Variants in FLNA observed in about 807,000 individuals in gnomAD.
The protein encoded by FLNA is filamin-A.
FLNA carries 7 observed loss-of-function variants against 157.6 expected under a neutral mutation model. That is an observed-to-expected ratio of 0.04 (90% CI 0.03 to 0.08). FLNA has a LOEUF of 0.08. FLNA is among the 10% of genes least tolerant of loss of function. The pLI is 1.00. For missense variants in FLNA, 1,750 were observed against 2,398.4 expected, an observed-to-expected ratio of 0.73 and a Z score of 5.65; for synonymous variants, 1,103 against 1,060.8, an observed-to-expected ratio of 1.04 and a Z score of -0.77.
At chrX:154,361,844 C>T (rs2067713929) in intron 19 of FLNA, 57 bp from the exon 20 acceptor site, 6 of 1,109,423 alleles carry the variant, frequency 5.4e-6, no homozygotes, top group South Asian at 3.7e-5. Flanking sequence ...TGCTCCCCAA[C>T]CCCCTCCTGG....
chrX:154,365,573 G>C (rs2148117206), intron 9 of FLNA, 87 bp from the exon 10 acceptor site: 1 of 1,078,147 alleles, frequency 9.3e-7, no homozygotes, highest in African/African-American at 1.8e-5. Flanking sequence ...GTCAGGATTG[G>C]TGGGTCCCTC....
chrX:154,349,251 G>A (rs1328017054), intron 47 of FLNA, 111 bp downstream of exon 47: 10 of 872,297 alleles, frequency 1.1e-5, no homozygotes, highest in Non-Finnish European at 1.7e-5. Flanking sequence ...GGTGGCTCTA[G>A]AAGTGAAAGC....
chrX:154,365,288 G>A, intron 10 of FLNA, 29 bp from the exon 11 acceptor site: 2 of 1,211,901 alleles, frequency 1.7e-6, no homozygotes, highest in Middle Eastern at 2.3e-4. Flanking sequence ...CCTCAGGCCT[G>A]CCCAGCAGTG....
At chrX:154,366,957 C>T in intron 5 of FLNA, 107 bp from the exon 6 acceptor site, 1 of 635,208 alleles carries the variant, frequency 1.6e-6, no homozygotes, top group Non-Finnish European at 2.6e-6. Flanking sequence ...ACATTCCAAA[C>T]TGGGCAAGTT....
chrX:154,362,196 C>G lies in FLNA; in HGVS notation c.2656+46G>C, dbSNP rs781995402. The G allele has an allele frequency of 1.2e-5, 14 of 1,208,815 alleles. No individual in the cohort carries two copies. The South Asian group carries it at 2.5e-4, about 21-fold the overall frequency. ...GTAGGGGCACCCTGCCCCAAGCCCT[C>G]CTACCCTTGATGCCCCGCAACCTGC... On this transcript the variant is annotated intron_variant, in intron 18 of 47. Coordinates refer to ENST00000369850, the MANE Select transcript of FLNA (RefSeq NM_001110556.2).
Position 154,366,221 on chromosome X carries a change from G to C in FLNA, c.1232C>G (p.Ala411Gly). 2 of 1,210,964 alleles carry C rather than the reference G, an allele frequency of 1.7e-6. No individual in the cohort carries two copies. The highest frequency in any genetic ancestry group is 3.5e-5 in the South Asian group (2 of 56,996). Reference sequence around the variant, plus strand: ...CACAACCTCGACCTCGCCCGTGCCAGCTCCTGCCACGAGGCACCTGCTCAG... The same window carrying C: ...CACAACCTCGACCTCGCCCGTGCCACCTCCTGCCACGAGGCACCTGCTCAG... ...TTYFEIFTAG[A>G]GTGEVEVVIQ... Residue 411 changes from alanine to glycine, a missense_variant, in exon 9 of 48, where the codon GCT becomes GGT. Transcript: ENST00000369850.
intron 28 of FLNA, among the ~76,000 whole-genome samples, 183 bp downstream of exon 28, chrX:154,358,016 G>A (rs942267690): frequency 2.0e-4 from 23 of 112,457 alleles, no homozygotes; most frequent in Non-Finnish European, 4.3e-4. Flanking sequence ...CACGTCTGGG[G>A]AAGCCTGTGC....
rs1347556364 is a variant in FLNA, at chrX:154,374,560, G to T, written c.-171C>A. On this transcript the variant is annotated 5_prime_UTR_variant, in exon 1 of 48. Coordinates refer to ENST00000369850, the MANE Select transcript of FLNA (RefSeq NM_001110556.2). ...ATGACCGCGGGGTGGCGCCCGGATC[G>T]CCTTCGCGCCCGCGCCCGCGCCAGG... 1 of 112,142 alleles carries T rather than the reference G, an allele frequency of 8.9e-6. No homozygotes were observed. The highest frequency in any genetic ancestry group is 1.9e-5 in the Non-Finnish European group (1 of 52,679). The allele number at this position is 112,142 out of a possible 1,213,427, so 9.2% of individuals were successfully genotyped here.
chrX:154,357,195 G>A, intron 30 of FLNA, 56 bp downstream of exon 30: 1 of 1,131,205 alleles, frequency 8.8e-7, no homozygotes, highest in Non-Finnish European at 1.2e-6. Context: ...AAGAGGAAAG[G>A]AAGCTGCCCC....
In FLNA at chrX:154,362,742, A is replaced by G. The variant is rs371839875; in HGVS notation, c.2323T>C (p.Tyr775His). 1.2e-4 allele frequency: 148 copies of G among 1,204,615 alleles called. No individual in the cohort carries two copies. The highest frequency in any genetic ancestry group is 1.5e-4 in the Non-Finnish European group (133 of 892,517). ...CCTGTCTTGGCTACTCCGGGGCCGT[A>G]TACTTTGACCTTGTTGGGGTGGCTG... is the stretch of plus-strand genomic sequence containing the variant. Reference protein sequence around the residue: ...AGSHPNKVKVYGPGVAKTGLK... With the variant: ...AGSHPNKVKVHGPGVAKTGLK... Residue 775 changes from tyrosine (Y) to histidine (H), a missense_variant, in exon 16 of 48, where the codon TAC becomes CAC. By Grantham distance (83) the Tyr-to-His change is moderately conservative. Around this residue, in one of 5 missense-constraint regions of FLNA, gnomAD observed 648 missense variants for 805.8 expected, o/e 0.80. Coordinates refer to ENST00000369850, the MANE Select transcript of FLNA (RefSeq NM_001110556.2).
At position 154,359,199 on chromosome X, in the gene FLNA, G is replaced by T. The variant is rs373558615; in HGVS notation, c.4304-45C>A. 36 of 1,209,305 alleles carry T rather than the reference G, an allele frequency of 3.0e-5. No individual in the cohort carries two copies. In the African/African-American group the frequency reaches 3.5e-4, roughly 12 times the overall value. ...GATGGCGGCTGTATGAGACAGGGTG[G>T]GGACGAGCAGACAGTCCCAGCCCTG... On this transcript the variant is annotated intron_variant, in intron 25 of 47. Coordinates refer to ENST00000369850, the MANE Select transcript of FLNA (RefSeq NM_001110556.2).
At chrX:154,351,777 A>G (rs2067621712) in intron 42 of FLNA, 81 bp from the exon 43 acceptor site, 3 of 1,138,115 alleles carry the variant, frequency 2.6e-6, no homozygotes, top group Non-Finnish European at 3.6e-6. Context: ...TGGCCCTGTG[A>G]CCTCAAAGTG....
At chrX:154,368,851 A>G (rs782781479) in intron 2 of FLNA, among the ~76,000 whole-genome samples, 1 of 112,690 alleles carries the variant, frequency 8.9e-6, no homozygotes, top group South Asian at 3.6e-4. Context: ...AGACACTGGG[A>G]ACCCCCTTGC....
chrX:154,371,697 T>G (rs1216115252), intron 1 of FLNA, among the ~76,000 whole-genome samples: 1 of 112,890 alleles, frequency 8.9e-6, no homozygotes, highest in Non-Finnish European at 1.9e-5. Flanking sequence ...CAAGGGACTT[T>G]CCTTCCCCAG....
chrX:154,358,074 AG>A, intron 28 of FLNA, 124 bp downstream of exon 28: 1 of 791,421 alleles, frequency 1.3e-6, no homozygotes, highest in Non-Finnish European at 1.9e-6. Flanking sequence ...AACCAAAGAC[AG>A]GGGCCCTGTC....
In FLNA at chrX:154,365,081, GGAAGA is replaced by G. The variant is rs201001354; in HGVS notation, c.1691+50_1691+54del. On this transcript the variant is annotated intron_variant, in intron 11 of 47. Transcript: ENST00000369850. ...CTCATCATCAGGTGGGGAGGCAGAA[GGAAGA>G]GAAGAGGCAGAGTGTGCAGAGCTGG... is the stretch of plus-strand genomic sequence containing the variant. 2.7e-3 allele frequency: 3,251 copies of G among 1,208,020 alleles called. 59 individuals carry two copies. In the African/African-American group the frequency reaches 0.049, roughly 18 times the overall value.
In FLNA at chrX:154,371,366, G is replaced by GGA; in HGVS notation, c.-116-7_-116-6dup. 3 of 940,234 alleles carry GGA rather than the reference G, an allele frequency of 3.2e-6. No homozygotes were observed. The highest frequency in any genetic ancestry group is 6.7e-5 in the East Asian group (2 of 30,075). 77.5% of individuals were successfully genotyped at this position (940,234 alleles called of 1,213,427 possible). A position where few individuals can be genotyped will look rare whatever the true frequency, so the allele number is the denominator to read the frequency against. On this transcript the variant is annotated splice_polypyrimidine_tract_variant and splice_region_variant and intron_variant, in intron 1 of 47. Transcript: ENST00000369850. ...AGGCAGGGAGCAGAGGTTGCGCTGCGGAGAGAGCGAGCCCTTTAAATGCGG... is the reference window on the plus strand; with the variant it reads ...AGGCAGGGAGCAGAGGTTGCGCTGCGGAGAGAGAGCGAGCCCTTTAAATGCGG...
intron 2 of FLNA, among the ~76,000 whole-genome samples, chrX:154,370,316 G>A (rs2067795099): frequency 9.0e-6 from 1 of 111,360 alleles, no homozygotes; most frequent in Non-Finnish European, 1.9e-5. Context: ...CCCCCAGGTT[G>A]CCTGTGTGTG....
In FLNA at chrX:154,357,239, C is replaced by T. The variant is rs1557177004; in HGVS notation, c.4969+12G>A. 8.3e-7 allele frequency: 1 copy of T among 1,209,632 alleles called. No individual in the cohort carries two copies. The highest frequency in any genetic ancestry group is 2.2e-5 in the Admixed American group (1 of 46,086). On this transcript the variant is annotated intron_variant, in intron 30 of 47. Transcript: ENST00000369850. ...GGAGGGGCATTGGGAGTGGCCCCAG[C>T]AAGCAGCTTACCTAGCCCGTGACCT...
Sources: gnomAD v4.1 joint callset for allele counts (sites outside exome capture counted in the v4.1 genomes callset) on GRCh38, gnomAD v4.1.1 for gene constraint, gnomAD v4.1.1 regional missense constraint, MANE v1.5 for transcripts, NCBI Gene and HGNC (gene_info 2026-07-23, HGNC 2026-07-21) for gene names.